The following ERMARD variants were observed in gnomAD, a reference collection of about 807,000 sequenced individuals.
The protein encoded by ERMARD is ER membrane associated RNA degradation.
ERMARD carries 71 observed loss-of-function variants against 83.9 expected under a neutral mutation model. That is an observed-to-expected ratio of 0.85 (90% CI 0.70 to 1.03). ERMARD has a LOEUF of 1.03. Among genes scored for constraint, ERMARD ranks in the 50% least tolerant of loss-of-function variants. The pLI is 0.00. For missense variants in ERMARD, 838 were observed against 810.9 expected (o/e 1.03, Z -0.41); for synonymous variants, 284 against 298.6 (o/e 0.95, Z 0.50).
chr6:169,751,721 C>T (rs983299237), intron 1 of ERMARD, 58 bp downstream of exon 1: 3 of 1,510,478 alleles, frequency 2.0e-6, no homozygotes, highest in Admixed American at 2.3e-5. Flanking sequence ...CGGCGCCAGG[C>T]TGGGTGGTGC....
At chr6:169,762,677 T>G in intron 9 of ERMARD, 146 bp downstream of exon 9, 1 of 625,434 alleles carries the variant, frequency 1.6e-6, no homozygotes, top group Non-Finnish European at 2.8e-6. Context: ...CTATCATTTC[T>G]ATAGGATTTA....
chr6:169,769,433 C>G lies in ERMARD; in HGVS notation c.1060-107C>G, dbSNP rs1230606724. On this transcript the variant is annotated intron_variant, in intron 11 of 17. Transcript: ENST00000366773. ...CTCCCCAGCAGAGTCCCACCCAGGG[C>G]TTCAGAGGACTTGATGGATGCACTC... is the stretch of plus-strand genomic sequence containing the variant. The G allele has an allele frequency of 3.8e-6, 4 of 1,045,680 alleles. No individual in the cohort carries two copies. In the African/African-American group the frequency reaches 6.5e-5, roughly 17 times the overall value. 64.8% of individuals were successfully genotyped at this position (1,045,680 alleles called of 1,614,324 possible). A position where few individuals can be genotyped will look rare whatever the true frequency, so the allele number is the denominator to read the frequency against.
At chr6:169,751,874 G>C in intron 1 of ERMARD, 1 of 655,626 alleles carries the variant, frequency 1.5e-6, no homozygotes, top group East Asian at 3.5e-5. Flanking sequence ...GGCCCTGCCG[G>C]CCTCCCTGGG....
intron 13 of ERMARD, among the ~76,000 whole-genome samples, chr6:169,774,625 G>T (rs1017767735): frequency 6.6e-6 from 1 of 152,178 alleles, no homozygotes. Context: ...CTGGGCTTCC[G>T]TTATTCCTGC....
Position 169,756,716 on chromosome 6 carries a change from T to C in ERMARD, c.418-3T>C, listed in dbSNP as rs1790862894. On this transcript the variant is annotated splice_polypyrimidine_tract_variant and splice_region_variant and intron_variant, in intron 4 of 17. Transcript: ENST00000366773. ...TGTTACACAATTTTTGTTTGAATTT[T>C]AGGTATTTTTACTGATTGGGAAGGA... The C allele has an allele frequency of 6.2e-7, 1 of 1,613,046 alleles. No individual in the cohort carries two copies. The highest frequency in any genetic ancestry group is 1.3e-5 in the African/African-American group (1 of 74,906).
intron 12 of ERMARD, among the ~76,000 whole-genome samples, chr6:169,772,395 A>G (rs1178187393): frequency 6.6e-6 from 1 of 152,134 alleles, no homozygotes; most frequent in Non-Finnish European, 1.5e-5. Flanking sequence ...TACACACCTG[A>G]GTGACGGGAA....
intron 5 of ERMARD, among the ~76,000 whole-genome samples, chr6:169,758,212 C>T (rs1014170442): frequency 6.6e-6 from 1 of 152,248 alleles, no homozygotes; most frequent in African/African-American, 2.4e-5. Context: ...AGACAGTGTT[C>T]ACTTCCTTCT....
At chr6:169,770,751 C>G (rs1792801771) in intron 12 of ERMARD, 1 of 152,122 alleles carries the variant, frequency 6.6e-6, no homozygotes, top group Non-Finnish European at 1.5e-5. Context: ...TCTTGAGTAG[C>G]TGGGACCACA....
At chr6:169,772,334 G>A (rs1275600945) in intron 12 of ERMARD, among the ~76,000 whole-genome samples, 1 of 152,230 alleles carries the variant, frequency 6.6e-6, no homozygotes, top group African/African-American at 2.4e-5. Context: ...AGGCACATGA[G>A]TGTACCTCCC....
intron 2 of ERMARD, among the ~76,000 whole-genome samples, chr6:169,754,488 G>A (rs765536474): frequency 1.3e-5 from 2 of 152,166 alleles, no homozygotes; most frequent in African/African-American, 4.8e-5. Flanking sequence ...CTCTGGCCTA[G>A]CAGTCCGTTT....
In ERMARD at chr6:169,781,575, C is replaced by T. The variant is rs1794202686; in HGVS notation, c.*62C>T. ...TTTTAACAGCGTGTAAATTAAAAAC[C>T]CAAAGACAGGGTGGAGTTGAGGGTC... On this transcript the variant is annotated 3_prime_UTR_variant, in exon 18 of 18. Coordinates refer to ENST00000366773, the MANE Select transcript of ERMARD (RefSeq NM_018341.3). The T allele has an allele frequency of 6.8e-7, 1 of 1,461,722 alleles. No homozygotes were observed. Among genetic ancestry groups the T allele is most frequent in the South Asian group, 1.4e-5 (1 of 72,168 alleles). The allele number at this position is 1,461,722 out of a possible 1,614,324, so 90.5% of individuals were successfully genotyped here. A position where few individuals can be genotyped will look rare whatever the true frequency, so the allele number is the denominator to read the frequency against.
In ERMARD at chr6:169,769,619, A is replaced by G; in HGVS notation, c.1139A>G (p.His380Arg). Reference protein sequence around the residue: ...DHLSHGEINLHEFSKETTNQL... With the variant: ...DHLSHGEINLREFSKETTNQL... ...TTAAGCCACGGGGAGATCAACTTAC[A>G]TGAATTTTCAAAAGAAACAACTAAT... Residue 380 changes from histidine (H) to arginine (R), a missense_variant, in exon 12 of 18, where the codon CAT (histidine) becomes CGT (arginine). Transcript: ENST00000366773. 1.9e-6 allele frequency: 3 copies of G among 1,613,510 alleles called. No individual in the cohort carries two copies. Among genetic ancestry groups the G allele is most frequent in the South Asian group, 1.1e-5 (1 of 90,822 alleles).
Position 169,759,026 on chromosome 6 carries a change from T to C in ERMARD, c.566T>C (p.Leu189Ser), listed in dbSNP as rs1217664485. The change falls in exon 6 of 18, where the codon TTA becomes TCA. Residue 189 changes from leucine (L) to serine (S), a missense_variant. By Grantham distance (145) the Leu-to-Ser change is moderately radical. Transcript: ENST00000366773. ...TGTGGTCTCAACCTGCGTAACGTCT[T>C]ATGGCATGGGTTTGCGTCACCTGAA... ...SPCGLNLRNV[L>S]WHGFASPEEI... The C allele has an allele frequency of 6.2e-7, 1 of 1,614,148 alleles. No individual in the cohort carries two copies. Among genetic ancestry groups the C allele is most frequent in the Non-Finnish European group, 8.5e-7 (1 of 1,180,034 alleles).
intron 1 of ERMARD, 21 bp downstream of exon 1, chr6:169,751,684 G>T (rs1333017574): frequency 2.6e-6 from 4 of 1,548,264 alleles, no homozygotes; most frequent in Non-Finnish European, 2.6e-6. Flanking sequence ...TGTAGGGCCC[G>T]GTTCGATCCC....
intron 5 of ERMARD, among the ~76,000 whole-genome samples, chr6:169,758,349 C>T (rs1463694053): frequency 6.6e-6 from 1 of 152,212 alleles, no homozygotes; most frequent in Non-Finnish European, 1.5e-5. Context: ...GTTCTCTGGG[C>T]ATGACATGAC....
Position 169,751,630 on chromosome 6 carries a change from C to T in ERMARD, c.-28C>T, listed in dbSNP as rs747226420. On this transcript the variant is annotated 5_prime_UTR_variant, in exon 1 of 18. In the 5' UTR this introduces an upstream ATG that the reference lacks. Coordinates refer to ENST00000366773, the MANE Select transcript of ERMARD (RefSeq NM_018341.3). ...GGCGCGCAGGCGCCTGCGTCATTCA[C>T]GCGCGCCGCAGCGGGGCACCGGAAG... 33 of 1,573,846 alleles carry T rather than the reference C, an allele frequency of 2.1e-5. No homozygotes were observed. Among genetic ancestry groups the T allele is most frequent in the Non-Finnish European group, 2.5e-5 (29 of 1,159,542 alleles).
At chr6:169,762,350 C>T (rs976702079) in intron 8 of ERMARD, 79 bp from the exon 9 acceptor site, 4 of 1,315,594 alleles carry the variant, frequency 3.0e-6, no homozygotes, top group East Asian at 4.7e-5. Flanking sequence ...GCTGGGATTA[C>T]AGGCATGAGC....
At position 169,775,413 on chromosome 6, in the gene ERMARD, C is replaced by G. The variant is rs1585415362; in HGVS notation, c.1394+67C>G. On this transcript the variant is annotated intron_variant, in intron 14 of 17. Coordinates refer to ENST00000366773, the MANE Select transcript of ERMARD (RefSeq NM_018341.3). ...GGTACTATTAGTTTCAGCAGCATTT[C>G]TTCTTTAACGAGGCTGTGGGAAGAT... 1.9e-6 allele frequency: 3 copies of G among 1,541,902 alleles called. No homozygotes were observed. The East Asian group carries it at 6.8e-5, about 35-fold the overall frequency.
At chr6:169,770,543 T>C (rs1027833573) in intron 12 of ERMARD, 1 of 152,222 alleles carries the variant, frequency 6.6e-6, no homozygotes, top group African/African-American at 2.4e-5. Flanking sequence ...TTTGTTCATT[T>C]GGGCACTTAC....
Sources: gnomAD v4.1 joint callset for allele counts (sites outside exome capture counted in the v4.1 genomes callset) on GRCh38, gnomAD v4.1.1 for gene constraint, MANE v1.5 for transcripts, NCBI Gene and HGNC (gene_info 2026-07-23, HGNC 2026-07-21) for gene names.